Variants in LAMA3 observed in about 807,000 individuals in gnomAD.
The protein encoded by LAMA3 is laminin subunit alpha-3.
LAMA3 carries 281 observed loss-of-function variants against 402.0 expected under a neutral mutation model. The observed-to-expected ratio is 0.70, with a 90% CI of 0.63 to 0.77. The LOEUF is 0.77. LAMA3 is among the 30% of genes least tolerant of loss of function. The pLI, the probability that LAMA3 is intolerant of heterozygous loss-of-function variation, is 0.00. For synonymous variants in LAMA3, 1,431 were observed against 1,558.4 expected, an observed-to-expected ratio of 0.92 and a Z score of 1.93; for missense variants, 3,840 against 4,215.5, an observed-to-expected ratio of 0.91 and a Z score of 2.47.
At chr18:23,712,657 T>TA (rs2061017916) in intron 1 of LAMA3, among the ~76,000 whole-genome samples, 1 of 147,624 alleles carries the variant, frequency 6.8e-6, no homozygotes, top group African/African-American at 2.5e-5. Context: ...TCTACACAGA[T>TA]ACCTCACCAT....
chr18:23,731,290 A>G (rs1224851663), intron 2 of LAMA3, among the ~76,000 whole-genome samples: 1 of 152,176 alleles, frequency 6.6e-6, no homozygotes, highest in Non-Finnish European at 1.5e-5. Context: ...ATATACAGGG[A>G]TTCATCCTAA....
intron 1 of LAMA3, among the ~76,000 whole-genome samples, chr18:23,711,452 G>A (rs1194158527): frequency 5.9e-5 from 9 of 152,200 alleles, no homozygotes. Context: ...TATATCAGCA[G>A]AAAGGCTAAG....
intron 62 of LAMA3, among the ~76,000 whole-genome samples, chr18:23,924,704 C>T (rs138096565): frequency 3.0e-4 from 45 of 151,684 alleles, no homozygotes; most frequent in East Asian, 7.8e-4. Flanking sequence ...CCACCATGCC[C>T]GGCTAATTTT....
intron 12 of LAMA3, among the ~76,000 whole-genome samples, chr18:23,784,761 A>T: frequency 6.6e-6 from 1 of 152,042 alleles, no homozygotes; most frequent in East Asian, 1.9e-4. Context: ...GGGTGAGTGA[A>T]CACATGAATG....
intron 34 of LAMA3, among the ~76,000 whole-genome samples, chr18:23,859,708 G>T (rs528293174): frequency 6.6e-6 from 1 of 152,342 alleles, no homozygotes; most frequent in African/African-American, 2.4e-5. Flanking sequence ...CCACCCAGGA[G>T]CTCTCCCAAA....
At chr18:23,808,840 C>T (rs971819422) in intron 12 of LAMA3, among the ~76,000 whole-genome samples, 1 of 152,158 alleles carries the variant, frequency 6.6e-6, no homozygotes, top group African/African-American at 2.4e-5. Flanking sequence ...TGTGGGGGCC[C>T]CATGCGCCAA....
At chr18:23,777,490 A>C in intron 10 of LAMA3, 67 bp from the exon 11 acceptor site, 4 of 1,107,188 alleles carry the variant, frequency 3.6e-6, no homozygotes, top group Non-Finnish European at 5.6e-6. Flanking sequence ...TAGTTAGTAC[A>C]ACTTAATGTT....
intron 2 of LAMA3, among the ~76,000 whole-genome samples, chr18:23,728,262 T>G (rs2061331843): frequency 6.6e-6 from 1 of 152,176 alleles, no homozygotes; most frequent in Non-Finnish European, 1.5e-5. Context: ...CCCAGGCTGG[T>G]GACCTTCCTG....
intron 62 of LAMA3, among the ~76,000 whole-genome samples, chr18:23,926,184 A>C (rs1296706984): frequency 6.6e-6 from 1 of 152,240 alleles, no homozygotes; most frequent in Non-Finnish European, 1.5e-5. Flanking sequence ...ATAAAATAAT[A>C]TAAAAGAGAA....
At chr18:23,811,998 C>T (rs1191366110) in intron 13 of LAMA3, among the ~76,000 whole-genome samples, 4 of 151,890 alleles carry the variant, frequency 2.6e-5, no homozygotes, top group East Asian at 3.9e-4. Context: ...CTCAGCCTCT[C>T]GAGTAGCTGG....
chr18:23,954,748 A>G lies in LAMA3; in HGVS notation c.*100A>G. On this transcript the variant is annotated 3_prime_UTR_variant, in exon 75 of 75. Coordinates refer to ENST00000313654, the MANE Select transcript of LAMA3 (RefSeq NM_198129.4). ...GAGATCATTCTTCACTCAGGACACA[A>G]ACCAGACAGGTTTAATAGCGAATCT... The G allele has an allele frequency of 7.9e-7, 1 of 1,269,142 alleles. No homozygotes were observed. Among genetic ancestry groups the G allele is most frequent in the Non-Finnish European group, 1.1e-6 (1 of 870,028 alleles). 78.6% of individuals were successfully genotyped at this position (1,269,142 alleles called of 1,614,324 possible). A position where few individuals can be genotyped will look rare whatever the true frequency, so the allele number is the denominator to read the frequency against.
chr18:23,824,523 A>G lies in LAMA3; in HGVS notation c.2529A>G (p.Pro843=). The change falls in exon 21 of 75, where the codon CCA becomes CCG. Residue 843 remains proline, a synonymous_variant. Coordinates refer to ENST00000313654, the MANE Select transcript of LAMA3 (RefSeq NM_198129.4). Reference sequence around the variant, plus strand: ...TTGCAGACCCATTTTCAATCACACCAGGAATATGGGTTGCTTGTATTAAGG... The same window carrying G: ...TTGCAGACCCATTTTCAATCACACCGGGAATATGGGTTGCTTGTATTAAGG... ...NGFADPFSIT[P]GIWVACIKAE... 1 of 1,614,158 alleles carries G rather than the reference A, an allele frequency of 6.2e-7. No individual in the cohort carries two copies. Among genetic ancestry groups the G allele is most frequent in the East Asian group, 2.2e-5 (1 of 44,880 alleles).
intron 62 of LAMA3, among the ~76,000 whole-genome samples, chr18:23,925,625 G>A (rs1263786665): frequency 6.6e-6 from 1 of 152,192 alleles, no homozygotes; most frequent in Non-Finnish European, 1.5e-5. Context: ...TTGGCCCAAA[G>A]TATACATAAA....
chr18:23,899,547 T>A, intron 47 of LAMA3, 92 bp downstream of exon 47: 1 of 1,273,760 alleles, frequency 7.9e-7, no homozygotes. Flanking sequence ...CCGTTATAGG[T>A]GGAAGGCCTC....
intron 31 of LAMA3, among the ~76,000 whole-genome samples, chr18:23,846,717 C>A (rs1486481176): frequency 6.6e-6 from 1 of 152,222 alleles, no homozygotes; most frequent in Non-Finnish European, 1.5e-5. Context: ...GGTCCATGGA[C>A]CGCACTCTAA....
chr18:23,894,927 A>G lies in LAMA3; in HGVS notation c.5482A>G (p.Thr1828Ala). 6.2e-7 allele frequency: 1 copy of G among 1,614,034 alleles called. No homozygotes were observed. The highest frequency in any genetic ancestry group is 2.2e-5 in the East Asian group (1 of 44,866). Residue 1828 changes from threonine to alanine, a missense_variant, in exon 44 of 75, where the codon ACC becomes GCC. By Grantham distance (58) the Thr-to-Ala change is moderately conservative (BLOSUM62 0). Transcript: ENST00000313654. ...ECDDCDSCVM[T>A]LLNDLATMGE... is the part of the protein sequence containing the mutation. ...TACAGATTGCGACAGCTGTGTGATG[A>G]CCCTCCTGAACGACCTGGCCACCAT...
At chr18:23,849,913 G>GA (rs2063906181) in intron 32 of LAMA3, among the ~76,000 whole-genome samples, 4 of 152,166 alleles carry the variant, frequency 2.6e-5, no homozygotes, top group Non-Finnish European at 5.9e-5. Flanking sequence ...GGCCTTGTCA[G>GA]AAAATGTAAG....
chr18:23,768,393 C>T (rs545516187), intron 8 of LAMA3, among the ~76,000 whole-genome samples: 5 of 152,282 alleles, frequency 3.3e-5, no homozygotes, highest in African/African-American at 1.2e-4. Context: ...AAAAAATGCT[C>T]CATATCACTA....
chr18:23,794,226 A>C (rs1235703053), intron 12 of LAMA3, among the ~76,000 whole-genome samples: 1 of 152,210 alleles, frequency 6.6e-6, no homozygotes, highest in Non-Finnish European at 1.5e-5. Context: ...TAAGACCCAC[A>C]ATCACAAAGG....
Sources: allele counts gnomAD v4.1 joint callset (sites outside exome capture counted in the v4.1 genomes callset), GRCh38; gene constraint gnomAD v4.1.1; transcripts MANE v1.5; gene names NCBI Gene and HGNC (gene_info 2026-07-23, HGNC 2026-07-21).